The following OR51B5 variants were observed in gnomAD, a reference collection of about 807,000 sequenced individuals.
The protein encoded by OR51B5 is olfactory receptor 51B5.
For missense variants in OR51B5, 456 were observed against 374.6 expected (o/e 1.22, Z -1.79); for synonymous variants, 186 against 144.8 (o/e 1.28, Z -2.04).
At chr11:5,378,827 G>A (rs2133715667) in intron 1 of OR51B5, among the ~76,000 whole-genome samples, 1 of 150,676 alleles carries the variant, frequency 6.6e-6, no homozygotes, top group Non-Finnish European at 1.5e-5. Context: ...TGCTGGAGAG[G>A]ATGTGGAGAA....
chr11:5,441,496 T>C (rs77847186), intron 1 of OR51B5: 1 of 1,611,674 alleles, frequency 6.2e-7, no homozygotes, highest in Non-Finnish European at 8.5e-7. Context: ...TGGAAGGGGG[T>C]GCCATTGAGA....
chr11:5,489,084 T>C, intron 1 of OR51B5: 1 of 1,613,974 alleles, frequency 6.2e-7, no homozygotes. Flanking sequence ...TTGATAGGTA[T>C]GTGGCTATCT....
upstream of OR51B5, chr11:5,346,359 A>T (rs11036927): frequency 0.28 from 43,185 of 151,976 alleles, 7,062 homozygotes; most frequent in Non-Finnish European, 0.38. Flanking sequence ...GGTTTCTGAG[A>T]AGAAAGACAA....
intron 1 of OR51B5, among the ~76,000 whole-genome samples, chr11:5,362,355 G>A (rs180750244): frequency 0.11 from 16,872 of 152,236 alleles, 1,052 homozygotes; most frequent in South Asian, 0.15. Flanking sequence ...AATCAACTAC[G>A]AAGATGGTCA....
At chr11:5,440,554 G>A in intron 1 of OR51B5, 1 of 1,590,948 alleles carries the variant, frequency 6.3e-7, no homozygotes, top group South Asian at 1.1e-5. Flanking sequence ...GGAGCTTTTG[G>A]GGCCTTCAGC....
chr11:5,423,315 C>A, intron 1 of OR51B5: 1 of 773,902 alleles, frequency 1.3e-6, no homozygotes, highest in Non-Finnish European at 2.0e-6. Context: ...GGTGAGCTAG[C>A]AGCAGTGATT....
At chr11:5,373,720 C>G (rs961169099) in intron 1 of OR51B5, among the ~76,000 whole-genome samples, 3 of 152,202 alleles carry the variant, frequency 2.0e-5, no homozygotes, top group Admixed American at 6.5e-5. Flanking sequence ...CGGAGTCTCC[C>G]TGATTGCTAG....
chr11:5,413,667 G>A (rs1004903269), intron 1 of OR51B5, among the ~76,000 whole-genome samples: 1 of 152,166 alleles, frequency 6.6e-6, no homozygotes, highest in African/African-American at 2.4e-5. Context: ...GCAATCAACT[G>A]GAAGAAAGGG....
chr11:5,466,186 A>G (rs1851136671), intron 1 of OR51B5, among the ~76,000 whole-genome samples: 1 of 152,234 alleles, frequency 6.6e-6, no homozygotes, highest in Non-Finnish European at 1.5e-5. Context: ...ACACTGTAAA[A>G]TATTTATATT....
intron 1 of OR51B5, chr11:5,453,847 T>C: frequency 6.2e-7 from 1 of 1,614,242 alleles, no homozygotes; most frequent in South Asian, 1.1e-5. Flanking sequence ...GCCATGAGTT[T>C]TGACCGCTAT....
At chr11:5,352,490 C>A in intron 1 of OR51B5, 1 of 1,243,346 alleles carries the variant, frequency 8.0e-7, no homozygotes, top group Non-Finnish European at 1.1e-6. Context: ...GGGACCTGGA[C>A]AGGATGACAA....
intron 1 of OR51B5, among the ~76,000 whole-genome samples, chr11:5,424,964 A>G (rs1300903190): frequency 1.1e-5 from 1 of 87,408 alleles, no homozygotes; most frequent in Non-Finnish European, 2.6e-5. Flanking sequence ...CCTGGGCGAC[A>G]GAGTGAGACT....
chr11:5,497,330 T>G (rs1369810550), intron 1 of OR51B5, among the ~76,000 whole-genome samples: 4 of 152,196 alleles, frequency 2.6e-5, no homozygotes, highest in Non-Finnish European at 5.9e-5. Flanking sequence ...GAGAATCGCT[T>G]GCACCTGGGA....
Position 5,459,577 on chromosome 11 carries a change from C to T in OR51B5, n.84+45992G>A, listed in dbSNP as rs186051209. 1.4e-3 allele frequency among the ~76,000 whole-genome samples: 177 copies of T among 130,042 alleles called. 5 individuals carry two copies. The South Asian group carries it at 0.029, about 21-fold the overall frequency. 85.3% of individuals were successfully genotyped at this position (130,042 alleles called of 152,430 possible). On this transcript the variant is annotated intron_variant and non_coding_transcript_variant, in intron 1 of 4. Transcript: ENST00000415970. ...TTAAAAAGTGGGCAAAAGACATGAA[C>T]AGACACTTCTCAAAAGAAGATATAC...
At chr11:5,340,544 T>G (rs1279686075), downstream of OR51B5, 4 of 152,104 alleles carry the variant, frequency 2.6e-5, no homozygotes, top group South Asian at 2.1e-4. Context: ...GTTAGGAGTT[T>G]GGAGATACAA....
At chr11:5,441,611 A>G in intron 1 of OR51B5, 2 of 860,070 alleles carry the variant, frequency 2.3e-6, no homozygotes, top group African/African-American at 1.7e-5. Context: ...AAGGTCATAG[A>G]TTGAAAATGA....
intron 1 of OR51B5, among the ~76,000 whole-genome samples, chr11:5,419,536 C>T (rs1242045204): frequency 2.6e-5 from 4 of 152,106 alleles, no homozygotes; most frequent in Non-Finnish European, 5.9e-5. Context: ...ATTTACACAG[C>T]ATTTATATTG....
intron 1 of OR51B5, among the ~76,000 whole-genome samples, chr11:5,369,146 T>A (rs1201347705): frequency 6.6e-6 from 1 of 152,170 alleles, no homozygotes; most frequent in Non-Finnish European, 1.5e-5. Flanking sequence ...ACAGAAAGGA[T>A]GAAGTCTTTA....
intron 1 of OR51B5, among the ~76,000 whole-genome samples, chr11:5,437,065 T>C (rs185929218): frequency 5.6e-4 from 86 of 152,254 alleles, no homozygotes; most frequent in Non-Finnish European, 8.2e-4. Flanking sequence ...GGGTTAGATC[T>C]TACCTTGGGA....
Sources: gnomAD v4.1 joint callset for allele counts (sites outside exome capture counted in the v4.1 genomes callset) on GRCh38, gnomAD v4.1.1 for gene constraint, MANE v1.5 for transcripts, NCBI Gene and HGNC (gene_info 2026-07-23, HGNC 2026-07-21) for gene names.